Variants in TNIK observed in about 807,000 individuals in gnomAD.
TNIK encodes TRAF2 and NCK interacting kinase, also known as TRAF2 and NCK-interacting protein kinase.
Under a neutral mutation model 191.3 loss-of-function variants are expected in TNIK, and 49 were observed. The ratio of observed to expected loss-of-function variants is 0.26; its 90% CI spans 0.20 to 0.32. TNIK has a LOEUF of 0.32. Ranked by LOEUF, TNIK falls within the 10% of genes least tolerant of loss-of-function variation. The pLI is 1.00. For synonymous variants in TNIK, 594 were observed against 600.9 expected, an observed-to-expected ratio of 0.99 and a Z score of 0.17; for missense variants, 1,155 against 1,702.3, an observed-to-expected ratio of 0.68 and a Z score of 5.66.
At chr3:171,292,584 G>A (rs778925218) in intron 2 of TNIK, among the ~76,000 whole-genome samples, 5 of 152,194 alleles carry the variant, frequency 3.3e-5, no homozygotes, top group Non-Finnish European at 7.4e-5. Context: ...AGACCATCCT[G>A]GCTAACATGG....
intron 2 of TNIK, among the ~76,000 whole-genome samples, chr3:171,231,998 C>T (rs767028116): frequency 8.5e-5 from 13 of 152,064 alleles, no homozygotes; most frequent in Non-Finnish European, 1.5e-4. Context: ...AACTAAATAT[C>T]GAACCAGTCA....
intron 32 of TNIK, among the ~76,000 whole-genome samples, chr3:171,065,928 G>A (rs968152989): frequency 2.0e-5 from 3 of 152,170 alleles, no homozygotes; most frequent in Non-Finnish European, 2.9e-5. Context: ...GGTGTCTGCT[G>A]AGTCATCAAA....
intron 1 of TNIK, among the ~76,000 whole-genome samples, chr3:171,378,938 C>T (rs1339484355): frequency 6.6e-6 from 1 of 152,128 alleles, no homozygotes; most frequent in Non-Finnish European, 1.5e-5. Flanking sequence ...CTTTAGTAAA[C>T]CGATGGAATC....
At chr3:171,406,636 T>C (rs1721727499) in intron 1 of TNIK, among the ~76,000 whole-genome samples, 1 of 152,194 alleles carries the variant, frequency 6.6e-6, no homozygotes, top group Admixed American at 6.5e-5. Flanking sequence ...GATCTCACTG[T>C]TGCCCAGGCT....
At chr3:171,241,981 CAGGA>C (rs1291089375) in intron 2 of TNIK, among the ~76,000 whole-genome samples, 1 of 142,736 alleles carries the variant, frequency 7.0e-6, no homozygotes, top group Non-Finnish European at 1.5e-5. Context: ...CACTTGGACA[CAGGA>C]AGGGGAACAT....
At chr3:171,095,924 T>C (rs1240149917) in intron 22 of TNIK, among the ~76,000 whole-genome samples, 1 of 152,230 alleles carries the variant, frequency 6.6e-6, no homozygotes, top group Non-Finnish European at 1.5e-5. Flanking sequence ...AAAATTGAAT[T>C]CCTGGCATTT....
intron 22 of TNIK, among the ~76,000 whole-genome samples, chr3:171,099,162 G>A (rs912484454): frequency 3.9e-5 from 6 of 151,900 alleles, no homozygotes; most frequent in African/African-American, 7.3e-5. Context: ...TTTTCAAATC[G>A]TCTTGCTGAA....
intron 2 of TNIK, among the ~76,000 whole-genome samples, chr3:171,267,625 TC>T (rs1468664973): frequency 6.6e-6 from 1 of 152,222 alleles, no homozygotes; most frequent in East Asian, 1.9e-4. Flanking sequence ...TATATGGAAA[TC>T]AGCCTATTAA....
chr3:171,211,561 G>A (rs1350766045), intron 3 of TNIK, among the ~76,000 whole-genome samples: 1 of 152,128 alleles, frequency 6.6e-6, no homozygotes, highest in South Asian at 2.1e-4. Flanking sequence ...GTAGGCCTCT[G>A]GGAACTACAT....
rs535328344 is a variant in TNIK, at chr3:171,410,297, G to A, written c.58-40612C>T. The stretch of plus-strand genomic sequence containing the variant: ...TAGCTTTTACTTTGCAGCTGAAGCT[G>A]GAATGATCTGAAGGCTTTTTCACTC... On this transcript the variant is annotated intron_variant, in intron 1 of 32. Coordinates refer to ENST00000436636, the MANE Select transcript of TNIK (RefSeq NM_015028.4). Among the ~76,000 whole-genome samples the A allele has an allele frequency of 1.1e-4, 16 of 152,294 alleles. No individual in the cohort carries two copies. In the East Asian group the frequency reaches 3.1e-3, roughly 29 times the overall value.
chr3:171,261,431 G>A (rs1405030550), intron 2 of TNIK, among the ~76,000 whole-genome samples: 1 of 152,082 alleles, frequency 6.6e-6, no homozygotes, highest in Non-Finnish European at 1.5e-5. Flanking sequence ...TTATTTGCAT[G>A]CCTGTCTTCC....
At chr3:171,068,661 A>C (rs559169039) in intron 30 of TNIK, among the ~76,000 whole-genome samples, 187 bp downstream of exon 30, 1 of 152,386 alleles carries the variant, frequency 6.6e-6, no homozygotes, top group East Asian at 1.9e-4. Flanking sequence ...AATTTTAGGA[A>C]GTCATAAAAA....
rs564265010 is a variant in TNIK at position 171,299,749 on chromosome 3, G to A, written c.123+69871C>T. Among the ~76,000 whole-genome samples, 13 of 152,250 alleles carry A rather than the reference G, an allele frequency of 8.5e-5. No homozygotes were observed. The East Asian group carries it at 1.5e-3, about 18-fold the overall frequency. On this transcript the variant is annotated intron_variant, in intron 2 of 32. Transcript: ENST00000436636. ...TCAAGTTTACAAACTGAGTTGTTAG[G>A]AGGCTCCAACAATCCAGGCCCTATT... is the stretch of plus-strand genomic sequence containing the variant.
intron 12 of TNIK, among the ~76,000 whole-genome samples, chr3:171,150,875 G>A (rs1215553523): frequency 6.6e-6 from 1 of 152,170 alleles, no homozygotes; most frequent in Non-Finnish European, 1.5e-5. Context: ...ACACTAAACA[G>A]GGAAGGTACA....
chr3:171,439,802 T>C (rs778067160), intron 1 of TNIK, among the ~76,000 whole-genome samples: 4 of 152,194 alleles, frequency 2.6e-5, no homozygotes, highest in Non-Finnish European at 5.9e-5. Flanking sequence ...AGTCTTGCCC[T>C]AACCAAGGCC....
chr3:171,107,167 A>T lies in TNIK; in HGVS notation c.2406+16T>A. The T allele has an allele frequency of 4.4e-6, 7 of 1,608,346 alleles. No homozygotes were observed. The highest frequency in any genetic ancestry group is 5.9e-6 in the Non-Finnish European group (7 of 1,178,172). On this transcript the variant is annotated intron_variant, in intron 21 of 32. Coordinates refer to ENST00000436636, the MANE Select transcript of TNIK (RefSeq NM_015028.4). ...TACATTTTGTGAAAGCATGACCAAG[A>T]AAAGGTAATACTAACCTCATCTATA...
At chr3:171,305,593 G>A (rs1032758222) in intron 2 of TNIK, among the ~76,000 whole-genome samples, 5 of 152,168 alleles carry the variant, frequency 3.3e-5, no homozygotes, top group Non-Finnish European at 7.4e-5. Context: ...TATACATGTG[G>A]CCAGCAAATA....
intron 2 of TNIK, among the ~76,000 whole-genome samples, chr3:171,240,250 G>A (rs1404666197): frequency 6.6e-6 from 1 of 152,114 alleles, no homozygotes; most frequent in Non-Finnish European, 1.5e-5. Context: ...TTCTCGAGCA[G>A]GTATTTCACA....
intron 2 of TNIK, among the ~76,000 whole-genome samples, chr3:171,236,953 A>G (rs547153159): frequency 6.6e-6 from 1 of 152,254 alleles, no homozygotes; most frequent in South Asian, 2.1e-4. Flanking sequence ...AATAGATGAT[A>G]ATAATAATAA....
Sources: gnomAD v4.1 joint callset for allele counts (sites outside exome capture counted in the v4.1 genomes callset) on GRCh38, gnomAD v4.1.1 for gene constraint, MANE v1.5 for transcripts, NCBI Gene and HGNC (gene_info 2026-07-23, HGNC 2026-07-21) for gene names.